The following RAP1GDS1 variants were observed in gnomAD, a reference collection of about 807,000 sequenced individuals.
The protein encoded by RAP1GDS1 is Rap1 GTPase-GDP dissociation stimulator 1, also known as RAP1, GTP-GDP dissociation stimulator 1.
In RAP1GDS1, 35 loss-of-function variants were observed where a neutral mutation model predicts 71.1. That is an observed-to-expected ratio of 0.49 (90% CI 0.38 to 0.65). RAP1GDS1 has a LOEUF of 0.65. RAP1GDS1 is among the 30% of genes least tolerant of loss of function. RAP1GDS1 has a pLI of 0.00. For missense variants in RAP1GDS1, 663 were observed against 706.1 expected (o/e 0.94, Z 0.69); for synonymous variants, 229 against 243.1 (o/e 0.94, Z 0.54).
At chr4:98,417,526 G>A in intron 9 of RAP1GDS1, 28 bp downstream of exon 9, 3 of 1,604,474 alleles carry the variant, frequency 1.9e-6, no homozygotes, top group Non-Finnish European at 2.6e-6. Flanking sequence ...TCCTTTGTTA[G>A]TCAAATACTC....
intron 1 of RAP1GDS1, among the ~76,000 whole-genome samples, chr4:98,269,301 A>G (rs1205691418): frequency 4.6e-5 from 7 of 152,228 alleles, no homozygotes; most frequent in East Asian, 1.9e-4. Flanking sequence ...TTCATCCCAT[A>G]TACAAAAATC....
chr4:98,421,729 T>A (rs1748891195), intron 12 of RAP1GDS1, among the ~76,000 whole-genome samples: 1 of 152,094 alleles, frequency 6.6e-6, no homozygotes, highest in South Asian at 2.1e-4. Context: ...TGTCCAGAGC[T>A]CACAGAGTTA....
chr4:98,380,140 T>A (rs982076814), intron 5 of RAP1GDS1, among the ~76,000 whole-genome samples: 1 of 151,572 alleles, frequency 6.6e-6, no homozygotes, highest in African/African-American at 2.4e-5. Flanking sequence ...TTGGCCCTTG[T>A]TGTTAGTGAC....
intron 11 of RAP1GDS1, 127 bp from the exon 12 acceptor site, chr4:98,421,128 T>C: frequency 1.9e-6 from 2 of 1,074,478 alleles, no homozygotes; most frequent in Non-Finnish European, 2.6e-6. Flanking sequence ...ATATTTGCAG[T>C]TCTAGCTTTA....
At chr4:98,278,126 G>A (rs1238196863) in intron 1 of RAP1GDS1, among the ~76,000 whole-genome samples, 1 of 152,142 alleles carries the variant, frequency 6.6e-6, no homozygotes, top group African/African-American at 2.4e-5. Context: ...GTGAACCCGG[G>A]AGGTGGAGAT....
chr4:98,280,543 C>G (rs1724920558), intron 1 of RAP1GDS1, among the ~76,000 whole-genome samples: 1 of 151,970 alleles, frequency 6.6e-6, no homozygotes, highest in South Asian at 2.1e-4. Context: ...CAAAAATTTT[C>G]TCCCATTCTG....
At chr4:98,429,536 T>A (rs1369204593) in intron 12 of RAP1GDS1, among the ~76,000 whole-genome samples, 5 of 152,004 alleles carry the variant, frequency 3.3e-5, no homozygotes, top group Non-Finnish European at 1.5e-5. Context: ...AGACTACAAA[T>A]ATGGTGCAGT....
chr4:98,436,897 T>C (rs780747590), intron 13 of RAP1GDS1, 43 bp from the exon 14 acceptor site: 3 of 1,486,312 alleles, frequency 2.0e-6, no homozygotes, highest in South Asian at 3.1e-5. Context: ...ATCCTGAGGA[T>C]ACTGGGTTCG....
chr4:98,400,927 TATA>T (rs1340687461), intron 6 of RAP1GDS1, among the ~76,000 whole-genome samples: 1 of 152,206 alleles, frequency 6.6e-6, no homozygotes, highest in Admixed American at 6.5e-5. Flanking sequence ...AGTGTGAGAT[TATA>T]ATAAGGATAT....
At chr4:98,316,058 A>G (rs966693539) in intron 2 of RAP1GDS1, among the ~76,000 whole-genome samples, 1 of 152,080 alleles carries the variant, frequency 6.6e-6, no homozygotes, top group Non-Finnish European at 1.5e-5. Context: ...AACATACTTA[A>G]TAACATAATT....
At chr4:98,300,669 AG>A (rs1046840932) in intron 2 of RAP1GDS1, among the ~76,000 whole-genome samples, 3 of 152,110 alleles carry the variant, frequency 2.0e-5, no homozygotes, top group African/African-American at 7.2e-5. Flanking sequence ...CCAAACTGCT[AG>A]GATTACAAGC....
chr4:98,391,371 T>C (rs1743635074), intron 5 of RAP1GDS1, among the ~76,000 whole-genome samples: 1 of 152,118 alleles, frequency 6.6e-6, no homozygotes, highest in African/African-American at 2.4e-5. Context: ...AAGAAAAATA[T>C]TTTAGGTAAC....
At chr4:98,335,615 AT>A (rs1389036843) in intron 2 of RAP1GDS1, among the ~76,000 whole-genome samples, 1 of 151,988 alleles carries the variant, frequency 6.6e-6, no homozygotes, top group African/African-American at 2.4e-5. Context: ...AAAAAAACTT[AT>A]CTTTGAATGT....
intron 8 of RAP1GDS1, 98 bp from the exon 9 acceptor site, chr4:98,417,269 G>A (rs1218995614): frequency 8.4e-7 from 1 of 1,187,368 alleles, no homozygotes; most frequent in Non-Finnish European, 1.2e-6. Flanking sequence ...AACAGTTTGT[G>A]AGGTGTGAGT....
rs115758369 is a variant in RAP1GDS1, at chr4:98,415,075, C to T, written c.764-1670C>T. Among the ~76,000 whole-genome samples the T allele has an allele frequency of 4.4e-3, 671 of 152,188 alleles. 3 individuals are homozygous for T. Among genetic ancestry groups the T allele is most frequent in the Non-Finnish European group, 4.7e-3 (318 of 67,990 alleles). ...TTTTGTACATTGATTTTGTATTCCCCAGGGTATTATTAATATTCCTTGCTG... is the reference window on the plus strand; with the variant it reads ...TTTTGTACATTGATTTTGTATTCCCTAGGGTATTATTAATATTCCTTGCTG... On this transcript the variant is annotated intron_variant, in intron 7 of 14. Coordinates refer to ENST00000408927, the MANE Select transcript of RAP1GDS1 (RefSeq NM_001100427.2).
At chr4:98,440,795 G>A (rs533480486) in intron 14 of RAP1GDS1, among the ~76,000 whole-genome samples, 104 of 152,244 alleles carry the variant, frequency 6.8e-4, no homozygotes, top group African/African-American at 2.2e-3. Context: ...TCGGCTCACC[G>A]TAACTTCCAC....
chr4:98,363,315 C>CT (rs2110446983), intron 4 of RAP1GDS1, among the ~76,000 whole-genome samples: 1 of 151,718 alleles, frequency 6.6e-6, no homozygotes, highest in East Asian at 1.9e-4. Context: ...CAGCAAGACT[C>CT]TGTCTCTACA....
rs188272932 is a variant in RAP1GDS1, at chr4:98,350,561, C to T, written c.236-1915C>T. On this transcript the variant is annotated intron_variant, in intron 3 of 14. Coordinates refer to ENST00000408927, the MANE Select transcript of RAP1GDS1 (RefSeq NM_001100427.2). ...GTCTATAAAAAAATAAAAAATTGGC[C>T]GGGCGTGGTGGCTCACGGCTGTAAT... Among the ~76,000 whole-genome samples the T allele has an allele frequency of 3.0e-3, 462 of 152,148 alleles. 1 individual carries two copies. The highest frequency in any genetic ancestry group is 7.9e-3 in the African/African-American group (329 of 41,520).
In RAP1GDS1 at chr4:98,310,406, T is replaced by C. The variant is rs185494726; in HGVS notation, c.112+16891T>C. On this transcript the variant is annotated intron_variant, in intron 2 of 14. Coordinates refer to ENST00000408927, the MANE Select transcript of RAP1GDS1 (RefSeq NM_001100427.2). ...AGGTATGTTCAGTACCTAGTGGGAC[T>C]ACATATTTACTGACCTTAAAGTAAA... Among the ~76,000 whole-genome samples the C allele has an allele frequency of 9.3e-4, 141 of 152,282 alleles. 1 individual carries two copies. Among genetic ancestry groups the C allele is most frequent in the African/African-American group, 3.3e-3 (138 of 41,572 alleles).
Sources: allele counts gnomAD v4.1 joint callset (sites outside exome capture counted in the v4.1 genomes callset), GRCh38; gene constraint gnomAD v4.1.1; transcripts MANE v1.5; gene names NCBI Gene and HGNC (gene_info 2026-07-23, HGNC 2026-07-21).